Variants in ATF3 observed in about 807,000 individuals in gnomAD.
The protein encoded by ATF3 is activating transcription factor 3, also known as cyclic AMP-dependent transcription factor ATF-3.
Under a neutral mutation model 18.4 loss-of-function variants are expected in ATF3, and 10 were observed. That is an observed-to-expected ratio of 0.54 (90% CI 0.34 to 0.92). ATF3 has a LOEUF of 0.92. ATF3 is among the 40% of genes least tolerant of loss of function. The pLI is 0.02. For synonymous variants in ATF3, 78 were observed against 87.9 expected, an observed-to-expected ratio of 0.89 and a Z score of 0.63; for missense variants, 183 against 222.3, an observed-to-expected ratio of 0.82 and a Z score of 1.12.
At chr1:212,605,380 C>T (rs867940115), upstream of ATF3, among the ~76,000 whole-genome samples, 23 of 152,206 alleles carry the variant, frequency 1.5e-4, no homozygotes, top group African/African-American at 5.5e-4. Flanking sequence ...GAGTGAGCTT[C>T]GGAAACAGAA....
Position 212,619,679 on chromosome 1 carries a change from C to T in ATF3, c.*124C>T. On this transcript the variant is annotated 3_prime_UTR_variant, in exon 4 of 4. Coordinates refer to ENST00000341491, the MANE Select transcript of ATF3 (RefSeq NM_001674.4). The surrounding 1 kb of genome is among the most constrained non-coding windows in gnomAD (Gnocchi z 4.4). ...TAGAATCCCAGCAGCAGAGAACCAT[C>T]AAGGCGGGAGGGCCTGCAGTGATTC... 3.6e-6 allele frequency: 5 copies of T among 1,390,002 alleles called. No homozygotes were observed. The highest frequency in any genetic ancestry group is 4.0e-6 in the Non-Finnish European group (4 of 1,011,368). The allele number at this position is 1,390,002 out of a possible 1,614,324, so 86.1% of individuals were successfully genotyped here. A position where few individuals can be genotyped will look rare whatever the true frequency, so the allele number is the denominator to read the frequency against.
Position 212,619,098 on chromosome 1 carries a change from GC to G in ATF3, c.349-259del, listed in dbSNP as rs1306960117. On this transcript the variant is annotated intron_variant, in intron 3 of 3. Transcript: ENST00000341491. The surrounding 1 kb of genome is among the most constrained non-coding windows in gnomAD (Gnocchi z 4.4). ...ACCTGCATATGGGCTGTTGACTCAT[GC>G]AAATGAGGTATCTGAACTGCAGCTT... The G allele has an allele frequency of 6.2e-7, 1 of 1,614,148 alleles. No individual in the cohort carries two copies. The highest frequency in any genetic ancestry group is 1.7e-5 in the Admixed American group (1 of 60,030).
At position 212,571,992 on chromosome 1, in the gene ATF3, G is replaced by T. The variant is rs543263457; in HGVS notation, c.-5+6509G>T. 3.3e-5 allele frequency among the ~76,000 whole-genome samples: 5 copies of T among 152,160 alleles called. No homozygotes were observed. The South Asian group carries it at 1.0e-3, about 32-fold the overall frequency. On this transcript the variant is annotated intron_variant, in intron 1 of 3. Transcript: ENST00000366981. Reference sequence around the variant, plus strand: ...CTCCCAAAGTGCTGGGATTACAGGCGTGAGCCACCGCGCCCGGCCGCCAAT... The same window carrying T: ...CTCCCAAAGTGCTGGGATTACAGGCTTGAGCCACCGCGCCCGGCCGCCAAT...
At chr1:212,600,996 T>G (rs1309502258) in intron 1 of ATF3, among the ~76,000 whole-genome samples, 1 of 152,224 alleles carries the variant, frequency 6.6e-6, no homozygotes, top group African/African-American at 2.4e-5. Context: ...GCTCTTATAT[T>G]GTCCTTGTAA....
intron 1 of ATF3, among the ~76,000 whole-genome samples, chr1:212,592,425 T>A (rs1280838158): frequency 1.4e-5 from 2 of 144,676 alleles, no homozygotes; most frequent in African/African-American, 5.4e-5. Context: ...TCCAAAAGTA[T>A]GTCTTTAAAT....
rs998090552 is a variant in ATF3, at chr1:212,618,345, A to G, written c.348+111A>G. On this transcript the variant is annotated intron_variant, in intron 3 of 3. Transcript: ENST00000341491. This position sits in a 1 kb window ranked among gnomAD's most constrained non-coding sequence, Gnocchi z 4.4. The stretch of plus-strand genomic sequence containing the variant: ...CCCCCTACTTGGTTATAGTTTCCCA[A>G]GAAGGGCCTTGTAGCTGGTAGCAGA... 12 of 1,132,182 alleles carry G rather than the reference A, an allele frequency of 1.1e-5. No individual in the cohort carries two copies. Among genetic ancestry groups the G allele is most frequent in the Non-Finnish European group, 1.5e-5 (11 of 745,150 alleles). 70.1% of individuals were successfully genotyped at this position (1,132,182 alleles called of 1,614,324 possible).
chr1:212,620,592 T>G lies in ATF3; in HGVS notation c.*1037T>G, dbSNP rs1655345688. On this transcript the variant is annotated 3_prime_UTR_variant, in exon 4 of 4. Transcript: ENST00000341491. ...GGTGTTTGCAGCTGTGAGAAGTCACTCACACTGGCCACAAGGACGCTGGCT... is the reference window on the plus strand; with the variant it reads ...GGTGTTTGCAGCTGTGAGAAGTCACGCACACTGGCCACAAGGACGCTGGCT... The G allele has an allele frequency of 6.6e-6, 1 of 152,630 alleles. No homozygotes were observed. Among genetic ancestry groups the G allele is most frequent in the Non-Finnish European group, 1.5e-5 (1 of 68,036 alleles). 9.5% of individuals were successfully genotyped at this position (152,630 alleles called of 1,614,324 possible). A position where few individuals can be genotyped will look rare whatever the true frequency, so the allele number is the denominator to read the frequency against.
chr1:212,600,489 G>A (rs563772170), intron 1 of ATF3, among the ~76,000 whole-genome samples: 16 of 152,182 alleles, frequency 1.1e-4, no homozygotes, highest in Non-Finnish European at 2.2e-4. Context: ...TGTGGGTCTG[G>A]CATGTGCCTG....
At chr1:212,577,408 C>G (rs757253515) in intron 1 of ATF3, among the ~76,000 whole-genome samples, 6 of 152,074 alleles carry the variant, frequency 3.9e-5, no homozygotes, top group African/African-American at 2.4e-5. Flanking sequence ...CATTTTTGTG[C>G]TGGAAACACT....
intron 1 of ATF3, among the ~76,000 whole-genome samples, chr1:212,582,412 C>A (rs1458370043): frequency 1.3e-5 from 2 of 152,236 alleles, no homozygotes; most frequent in Non-Finnish European, 2.9e-5. Context: ...CCAATGCACC[C>A]TGGCAAAGCA....
At chr1:212,616,638 G>A (rs1655138584) in intron 2 of ATF3, among the ~76,000 whole-genome samples, 1 of 152,122 alleles carries the variant, frequency 6.6e-6, no homozygotes, top group Admixed American at 6.5e-5. Context: ...CTGTCATGTT[G>A]AGAATGGGCA....
upstream of ATF3, among the ~76,000 whole-genome samples, chr1:212,606,370 G>C (rs1440581810): frequency 6.6e-6 from 1 of 152,198 alleles, no homozygotes; most frequent in Non-Finnish European, 1.5e-5. Flanking sequence ...ATCCAACTTG[G>C]AGATTCCAAA....
intron 1 of ATF3, among the ~76,000 whole-genome samples, chr1:212,580,821 T>G (rs1371099714): frequency 2.0e-5 from 3 of 152,178 alleles, no homozygotes; most frequent in Non-Finnish European, 2.9e-5. Flanking sequence ...CAGGCTGGAG[T>G]GCAGTGGCAC....
intron 2 of ATF3, 68 bp downstream of exon 2, chr1:212,615,329 T>C: frequency 6.4e-7 from 1 of 1,553,824 alleles, no homozygotes; most frequent in Non-Finnish European, 8.7e-7. Context: ...GTGTTGGGCA[T>C]GTTCTAGGCA....
chr1:212,599,787 A>G (rs570662806), intron 1 of ATF3, among the ~76,000 whole-genome samples: 1 of 152,258 alleles, frequency 6.6e-6, no homozygotes, highest in South Asian at 2.1e-4. Context: ...CTCTCCATCT[A>G]TCCTAACACC....
At chr1:212,615,320 T>A in intron 2 of ATF3, 59 bp downstream of exon 2, 1 of 1,567,804 alleles carries the variant, frequency 6.4e-7, no homozygotes, top group Non-Finnish European at 8.6e-7. Context: ...AGCCACTGTG[T>A]GTTGGGCATG....
At chr1:212,602,714 G>A (rs1354332345) in intron 1 of ATF3, among the ~76,000 whole-genome samples, 7 of 152,128 alleles carry the variant, frequency 4.6e-5, no homozygotes, top group Non-Finnish European at 7.3e-5. Context: ...TTAACTGTAC[G>A]TAAAGGGCTT....
intron 1 of ATF3, among the ~76,000 whole-genome samples, chr1:212,573,176 C>T (rs527479583): frequency 6.6e-6 from 1 of 152,166 alleles, no homozygotes; most frequent in South Asian, 2.1e-4. Flanking sequence ...TGGCCACAAA[C>T]TATATCTTTG....
chr1:212,569,559 G>A lies in ATF3; in HGVS notation c.-5+4076G>A, dbSNP rs78906668. 1.5e-3 allele frequency among the ~76,000 whole-genome samples: 229 copies of A among 152,210 alleles called. 1 individual carries two copies. In the East Asian group the frequency reaches 0.025, roughly 17 times the overall value. ...ATGCCTGTGTGTCCACAGTGGAGAC[G>A]CAGGGGAAAGAGCTAGTGTAATAGA... On this transcript the variant is annotated intron_variant, in intron 1 of 3. Coordinates refer to the ATF3 transcript ENST00000366981.
Sources: gnomAD v4.1 joint callset for allele counts (sites outside exome capture counted in the v4.1 genomes callset) on GRCh38, gnomAD v4.1.1 for gene constraint, Gnocchi (gnomAD v3.1) non-coding constraint, MANE v1.5 for transcripts, NCBI Gene and HGNC (gene_info 2026-07-23, HGNC 2026-07-21) for gene names.